GRIN2A: variants seen among roughly 807,000 people sequenced by gnomAD.
The protein encoded by GRIN2A is glutamate ionotropic receptor NMDA type subunit 2A.
Under a neutral mutation model 113.4 loss-of-function variants are expected in GRIN2A, and 22 were observed. The ratio of observed to expected loss-of-function variants is 0.19; its 90% confidence interval spans 0.14 to 0.28. GRIN2A has a LOEUF of 0.28. GRIN2A is among the 10% of genes least tolerant of loss of function. The pLI, the probability that GRIN2A is intolerant of heterozygous loss-of-function variation, is 1.00. For missense variants in GRIN2A, 1,502 were observed against 1,887.0 expected (o/e 0.80, Z 3.78); for synonymous variants, 827 against 738.4 (o/e 1.12, Z -1.94).
chr16:10,085,625 C>T (rs186483807), intron 2 of GRIN2A, among the ~76,000 whole-genome samples: 3 of 152,158 alleles, frequency 2.0e-5, no homozygotes, highest in South Asian at 2.1e-4. Context: ...CTGTATAAAG[C>T]GAGGGGCAGA....
intron 4 of GRIN2A, among the ~76,000 whole-genome samples, chr16:9,874,565 T>A (rs1262774851): frequency 6.6e-6 from 1 of 152,212 alleles, no homozygotes; most frequent in Non-Finnish European, 1.5e-5. Flanking sequence ...ATTAAAGCAC[T>A]GACAGCCTTC....
At chr16:9,816,816 C>G (rs1375976265) in intron 10 of GRIN2A, among the ~76,000 whole-genome samples, 1 of 152,182 alleles carries the variant, frequency 6.6e-6, no homozygotes, top group East Asian at 1.9e-4. Context: ...ATTCAACTGG[C>G]TCAGTGGGGC....
chr16:9,833,034 G>A (rs1213750537), intron 8 of GRIN2A, among the ~76,000 whole-genome samples: 1 of 152,156 alleles, frequency 6.6e-6, no homozygotes, highest in Admixed American at 6.5e-5. Context: ...GAGACTTCAA[G>A]TTCCATCCTC....
intron 2 of GRIN2A, among the ~76,000 whole-genome samples, chr16:10,103,625 A>G (rs2048441217): frequency 6.6e-6 from 1 of 152,178 alleles, no homozygotes; most frequent in African/African-American, 2.4e-5. Flanking sequence ...AGTCCTAATA[A>G]CCTCAGAAAA....
intron 2 of GRIN2A, among the ~76,000 whole-genome samples, chr16:10,132,019 T>C (rs1451822542): frequency 6.6e-6 from 1 of 152,096 alleles, no homozygotes; most frequent in Non-Finnish European, 1.5e-5. Flanking sequence ...CATTTATAAG[T>C]AAGGAAACTG....
rs1051158321 is a variant in GRIN2A, at chr16:10,039,139, A to G, written c.415-100588T>C. On this transcript the variant is annotated intron_variant, in intron 2 of 12. Coordinates refer to ENST00000330684, the MANE Select transcript of GRIN2A (RefSeq NM_001134407.3). ...AGCAGACATCCCCTCCCACCCCCCA[A>G]TGTCCCCACTGATGTCTGTTGATCA... Among the ~76,000 whole-genome samples the G allele has an allele frequency of 5.3e-5, 8 of 151,896 alleles. No homozygotes were observed. The East Asian group carries it at 9.7e-4, about 18-fold the overall frequency.
intron 9 of GRIN2A, among the ~76,000 whole-genome samples, chr16:9,824,117 T>C (rs1481463130): frequency 6.6e-6 from 1 of 152,208 alleles, no homozygotes; most frequent in Non-Finnish European, 1.5e-5. Flanking sequence ...TTCCCTAAAT[T>C]AGGCATGCTG....
chr16:10,026,741 T>TG (rs1418283935), intron 2 of GRIN2A, among the ~76,000 whole-genome samples: 1 of 152,156 alleles, frequency 6.6e-6, no homozygotes, highest in Admixed American at 6.5e-5. Context: ...CTCCACTCAG[T>TG]GAGAAACACG....
At chr16:10,110,489 G>A (rs1596516590) in intron 2 of GRIN2A, among the ~76,000 whole-genome samples, 1 of 152,380 alleles carries the variant, frequency 6.6e-6, no homozygotes. Flanking sequence ...AGGGGGCAAA[G>A]TGGAAGAGAG....
chr16:9,959,833 G>A lies in GRIN2A; in HGVS notation c.415-21282C>T, dbSNP rs150271951. ...TACTAAAAATACAAAAACTACCTGGGCGTGGTGGCGCATGCCTGTGATCCC... is the reference window on the plus strand; with the variant it reads ...TACTAAAAATACAAAAACTACCTGGACGTGGTGGCGCATGCCTGTGATCCC... On this transcript the variant is annotated intron_variant, in intron 2 of 12. Coordinates refer to ENST00000330684, the MANE Select transcript of GRIN2A (RefSeq NM_001134407.3). Among the ~76,000 whole-genome samples, 290 of 152,280 alleles carry A rather than the reference G, an allele frequency of 1.9e-3. 4 individuals are homozygous for A. The highest frequency in any genetic ancestry group is 6.8e-3 in the African/African-American group (283 of 41,570).
chr16:9,790,989 G>A (rs947624902), intron 11 of GRIN2A, among the ~76,000 whole-genome samples: 1 of 152,196 alleles, frequency 6.6e-6, no homozygotes, highest in Admixed American at 6.5e-5. Context: ...CATCTAATGT[G>A]TGCCAGGCAT....
chr16:9,940,961 G>C (rs2044860469), intron 2 of GRIN2A, among the ~76,000 whole-genome samples: 1 of 152,206 alleles, frequency 6.6e-6, no homozygotes, highest in Admixed American at 6.5e-5. Context: ...CTCACACACT[G>C]TGAGACGCCT....
At chr16:9,802,160 C>A (rs371077336) in intron 10 of GRIN2A, among the ~76,000 whole-genome samples, 1 of 152,066 alleles carries the variant, frequency 6.6e-6, no homozygotes, top group African/African-American at 2.4e-5. Flanking sequence ...AGCAGTGTGG[C>A]GATTCCTCAA....
chr16:10,181,040 C>T (rs1329722512), intron 1 of GRIN2A, among the ~76,000 whole-genome samples: 2 of 152,212 alleles, frequency 1.3e-5, no homozygotes, highest in Non-Finnish European at 2.9e-5. Context: ...ACAGACCCGG[C>T]TCCTCTCAGT....
intron 2 of GRIN2A, among the ~76,000 whole-genome samples, chr16:10,092,519 T>A (rs1394174605): frequency 6.6e-6 from 1 of 152,186 alleles, no homozygotes; most frequent in Non-Finnish European, 1.5e-5. Flanking sequence ...TTAAGCATTA[T>A]TTTTTTCTCT....
At chr16:9,770,921 T>C (rs1901235862) in intron 11 of GRIN2A, among the ~76,000 whole-genome samples, 1 of 152,194 alleles carries the variant, frequency 6.6e-6, no homozygotes, top group Non-Finnish European at 1.5e-5. Flanking sequence ...GTTTTTACAG[T>C]TCATTTGGGT....
chr16:10,144,293 C>T (rs555570745), intron 2 of GRIN2A, among the ~76,000 whole-genome samples: 1 of 152,294 alleles, frequency 6.6e-6, no homozygotes, highest in South Asian at 2.1e-4. Flanking sequence ...GTTCCAATGT[C>T]CCCACATCCT....
chr16:9,945,676 G>A (rs971967476), intron 2 of GRIN2A, among the ~76,000 whole-genome samples: 2 of 152,142 alleles, frequency 1.3e-5, no homozygotes, highest in African/African-American at 4.8e-5. Context: ...TCTGATCTGT[G>A]CCAATAGGTA....
chr16:9,969,976 C>A (rs539485780), intron 2 of GRIN2A, among the ~76,000 whole-genome samples: 2 of 152,326 alleles, frequency 1.3e-5, no homozygotes, highest in South Asian at 2.1e-4. Flanking sequence ...GAAGTGGGGC[C>A]TGGGGTTGGT....
Sources: allele counts gnomAD v4.1 joint callset (sites outside exome capture counted in the v4.1 genomes callset), GRCh38; gene constraint gnomAD v4.1.1; transcripts MANE v1.5; gene names NCBI Gene and HGNC (gene_info 2026-07-23, HGNC 2026-07-21).